Variants in MIS18A observed in about 807,000 individuals in gnomAD.
The protein encoded by MIS18A is protein Mis18-alpha.
Under a neutral mutation model 25.0 loss-of-function variants are expected in MIS18A, and 14 were observed. That is an observed-to-expected ratio of 0.56 (90% CI 0.37 to 0.88). The LOEUF (loss-of-function observed/expected upper bound fraction) is 0.88. Among genes scored for constraint, MIS18A ranks in the 40% least tolerant of loss-of-function variants. The pLI, the probability that MIS18A is intolerant of heterozygous loss-of-function variation, is 0.00. For synonymous variants in MIS18A, 134 were observed against 118.6 expected (o/e 1.13, Z -0.84); for missense variants, 292 against 290.8 (o/e 1.00, Z -0.03).
chr21:32,226,289 AAG>A, the MIS18A span, among the ~76,000 whole-genome samples: 3 of 151,540 alleles, frequency 2.0e-5, no homozygotes, highest in African/African-American at 4.9e-5. Flanking sequence ...ATAAAAAAAA[AAG>A]AAAAAAAAAA....
chr21:32,221,223 C>G, the MIS18A span, among the ~76,000 whole-genome samples: 9 of 151,692 alleles, frequency 5.9e-5, no homozygotes, highest in South Asian at 1.9e-3. Context: ...TTAAGGGCAA[C>G]CAGAAAGAAA....
chr21:32,209,118 T>TA, the MIS18A span, among the ~76,000 whole-genome samples: 36 of 151,880 alleles, frequency 2.4e-4, 1 homozygote, highest in Non-Finnish European at 3.5e-4. Context: ...AAGAGTTACT[T>TA]ACTTTTAATG....
At chr21:32,186,118 C>CA in the MIS18A span, among the ~76,000 whole-genome samples, 6 of 152,162 alleles carry the variant, frequency 3.9e-5, no homozygotes, top group African/African-American at 1.4e-4. Context: ...TGTGAAGGTC[C>CA]AAATTATGGC....
At chr21:32,192,936 C>T in the MIS18A span, among the ~76,000 whole-genome samples, 1 of 152,168 alleles carries the variant, frequency 6.6e-6, no homozygotes, top group South Asian at 2.1e-4. Context: ...CCGTTATCCC[C>T]ATCTCTTGTT....
chr21:32,258,640 G>A, the MIS18A span, among the ~76,000 whole-genome samples: 11 of 152,084 alleles, frequency 7.2e-5, no homozygotes, highest in Admixed American at 1.3e-4. Context: ...AAATGACTAC[G>A]GTACTCAGCA....
the MIS18A span, among the ~76,000 whole-genome samples, chr21:32,252,327 G>A: frequency 6.8e-6 from 1 of 146,250 alleles, no homozygotes. Context: ...AAAGAAGGAA[G>A]GAAGGAAAGA....
Position 32,268,916 on chromosome 21 carries a change from G to T in MIS18A, c.*121C>A. The T allele has an allele frequency of 1.5e-6, 1 of 684,524 alleles. No homozygotes were observed. Among genetic ancestry groups the T allele is most frequent in the Non-Finnish European group, 2.4e-6 (1 of 425,220 alleles). 42.4% of individuals were successfully genotyped at this position (684,524 alleles called of 1,614,324 possible). On this transcript the variant is annotated 3_prime_UTR_variant, in exon 5 of 5. Transcript: ENST00000290130. ...TCTGATCCTCCCACCTCAGCGTTTC[G>T]CATGCCTGGCTAATTTTTTTTTTCT...
At chr21:32,193,143 G>A in the MIS18A span, among the ~76,000 whole-genome samples, 3 of 152,134 alleles carry the variant, frequency 2.0e-5, no homozygotes, top group African/African-American at 7.2e-5. Context: ...CTTGCGCTCT[G>A]TCCCCTAAGC....
the MIS18A span, among the ~76,000 whole-genome samples, chr21:32,157,912 C>A: frequency 6.6e-6 from 1 of 152,144 alleles, no homozygotes; most frequent in Non-Finnish European, 1.5e-5. Context: ...GAGGGTTGAA[C>A]ATGACTTTGA....
chr21:32,230,008 T>C, the MIS18A span, among the ~76,000 whole-genome samples: 12 of 152,208 alleles, frequency 7.9e-5, no homozygotes, highest in Non-Finnish European at 1.2e-4. Flanking sequence ...AAATTTTCCA[T>C]TGATTCTCCA....
the MIS18A span, among the ~76,000 whole-genome samples, chr21:32,239,848 G>A: frequency 6.6e-6 from 1 of 152,178 alleles, no homozygotes; most frequent in African/African-American, 2.4e-5. Context: ...TTAATTACAT[G>A]CCAAGGACAT....
At chr21:32,244,290 G>T in the MIS18A span, among the ~76,000 whole-genome samples, 1 of 152,072 alleles carries the variant, frequency 6.6e-6, no homozygotes, top group African/African-American at 2.4e-5. Flanking sequence ...GGGCACACGG[G>T]AATTTTTTTT....
At chr21:32,176,925 G>A in the MIS18A span, among the ~76,000 whole-genome samples, 4 of 152,054 alleles carry the variant, frequency 2.6e-5, no homozygotes, top group African/African-American at 4.8e-5. Context: ...GTACCAAAGC[G>A]TGATGAAGAC....
the MIS18A span, among the ~76,000 whole-genome samples, chr21:32,261,989 C>A: frequency 6.6e-6 from 1 of 152,200 alleles, no homozygotes. Context: ...TATTAACTGA[C>A]GCAATGTCCC....
the MIS18A span, among the ~76,000 whole-genome samples, chr21:32,169,873 A>G: frequency 6.6e-6 from 1 of 152,180 alleles, no homozygotes; most frequent in Non-Finnish European, 1.5e-5. Context: ...AACAATAAAA[A>G]ACAACAACAA....
Position 32,278,285 on chromosome 21 carries a change from T to C in MIS18A, c.334+396A>G, listed in dbSNP as rs536646172. The C allele has an allele frequency of 3.6e-4, 69 of 192,658 alleles. 1 individual carries two copies. Among genetic ancestry groups the C allele is most frequent in the Non-Finnish European group, 5.1e-4 (49 of 95,330 alleles). 11.9% of individuals were successfully genotyped at this position (192,658 alleles called of 1,614,324 possible). A position where few individuals can be genotyped will look rare whatever the true frequency, so the allele number is the denominator to read the frequency against. ...TGGAGGCTGTAGAGGCATCCGCTGA[T>C]ACACCAACAGCCTGCTAATTTCTAT... On this transcript the variant is annotated intron_variant, in intron 1 of 4. Coordinates refer to ENST00000290130, the MANE Select transcript of MIS18A (RefSeq NM_018944.3).
chr21:32,260,857 C>T, the MIS18A span: 1 of 152,118 alleles, frequency 6.6e-6, no homozygotes, highest in Admixed American at 6.5e-5. Context: ...ACTAAAAACA[C>T]AAAAATTAGC....
At chr21:32,177,979 G>A in the MIS18A span, among the ~76,000 whole-genome samples, 2 of 151,752 alleles carry the variant, frequency 1.3e-5, no homozygotes, top group Non-Finnish European at 2.9e-5. Context: ...GAGTGGCACA[G>A]TCATGGCTCA....
At chr21:32,197,125 A>C in the MIS18A span, among the ~76,000 whole-genome samples, 3 of 152,254 alleles carry the variant, frequency 2.0e-5, no homozygotes, top group Admixed American at 2.0e-4. Flanking sequence ...ACATAGTCCC[A>C]TAAACTGAGT....
Sources: gnomAD v4.1 joint callset for allele counts (sites outside exome capture counted in the v4.1 genomes callset) on GRCh38, gnomAD v4.1.1 for gene constraint, MANE v1.5 for transcripts, NCBI Gene and HGNC (gene_info 2026-07-23, HGNC 2026-07-21) for gene names.